The following BRWD1 variants were observed in gnomAD, a reference collection of about 807,000 sequenced individuals.
BRWD1 encodes bromodomain and WD repeat-containing protein 1.
BRWD1 carries 82 observed loss-of-function variants against 251.2 expected under a neutral mutation model. The observed-to-expected ratio is 0.33, with a 90% confidence interval of 0.27 to 0.39. The LOEUF is 0.39. Among genes scored for constraint, BRWD1 ranks in the 10% least tolerant of loss-of-function variants. BRWD1 has a pLI of 1.00. For missense variants in BRWD1, 2,233 were observed against 2,711.6 expected, an observed-to-expected ratio of 0.82 and a Z score of 3.92; for synonymous variants, 918 against 902.8, an observed-to-expected ratio of 1.02 and a Z score of -0.30.
chr21:39,239,753 T>C (rs778382383), intron 21 of BRWD1, among the ~76,000 whole-genome samples: 11 of 152,176 alleles, frequency 7.2e-5, no homozygotes, highest in Non-Finnish European at 1.2e-4. Context: ...CTGGAAAGAA[T>C]TTTTTAACAA....
At position 39,189,834 on chromosome 21, in the gene BRWD1, C is replaced by T. The variant is rs1208136999; in HGVS notation, c.*6425G>A. 2 of 985,198 alleles carry T rather than the reference C, an allele frequency of 2.0e-6. No homozygotes were observed. Among genetic ancestry groups the T allele is most frequent in the Non-Finnish European group, 2.4e-6 (2 of 829,896 alleles). The allele number at this position is 985,198 out of a possible 1,614,324, so 61.0% of individuals were successfully genotyped here. A position where few individuals can be genotyped will look rare whatever the true frequency, so the allele number is the denominator to read the frequency against. On this transcript the variant is annotated 3_prime_UTR_variant, in exon 41 of 41. Transcript: ENST00000342449. Reference sequence around the variant, plus strand: ...TCAAATTTGTGTGTTAGGGTACAAGCTTAAGAACTCTGGATGTTGCTGCTC... The same window carrying T: ...TCAAATTTGTGTGTTAGGGTACAAGTTTAAGAACTCTGGATGTTGCTGCTC...
intron 12 of BRWD1, among the ~76,000 whole-genome samples, chr21:39,275,159 A>C (rs1414961267): frequency 7.9e-5 from 12 of 152,364 alleles, no homozygotes; most frequent in Non-Finnish European, 2.9e-5. Context: ...TGTTAATTCA[A>C]ATTAATTCAT....
intron 8 of BRWD1, among the ~76,000 whole-genome samples, chr21:39,287,670 G>A (rs1201467575): frequency 1.3e-5 from 2 of 152,086 alleles, no homozygotes; most frequent in Non-Finnish European, 2.9e-5. Flanking sequence ...TTTTTTACCA[G>A]TATTTTTAGT....
intron 29 of BRWD1, among the ~76,000 whole-genome samples, chr21:39,220,934 G>T (rs1343422953): frequency 6.6e-6 from 1 of 152,004 alleles, no homozygotes; most frequent in Non-Finnish European, 1.5e-5. Context: ...GAGGCAGGGG[G>T]ATCACTTGAG....
At chr21:39,309,352 G>A (rs74315834) in intron 4 of BRWD1, among the ~76,000 whole-genome samples, 14,568 of 151,758 alleles carry the variant, frequency 0.096, 821 homozygotes, top group East Asian at 0.14. Context: ...TCAGGAGGTG[G>A]AGGGCTGAGG....
At position 39,232,293 on chromosome 21, in the gene BRWD1, G is replaced by A. The variant is rs766117498; in HGVS notation, c.2893-9C>T. 6.2e-7 allele frequency: 1 copy of A among 1,605,028 alleles called. No individual in the cohort carries two copies. Among genetic ancestry groups the A allele is most frequent in the South Asian group, 1.1e-5 (1 of 89,142 alleles). ...TGTCGAAAATATATTACCTACAAAAGGGAAATATGCATTTAAAAATTAAGA... is the reference window on the plus strand; with the variant it reads ...TGTCGAAAATATATTACCTACAAAAAGGAAATATGCATTTAAAAATTAAGA... On this transcript the variant is annotated splice_polypyrimidine_tract_variant and intron_variant, in intron 24 of 40. Coordinates refer to ENST00000342449, the MANE Select transcript of BRWD1 (RefSeq NM_033656.4).
chr21:39,274,415 T>C lies in BRWD1; in HGVS notation c.1203A>G (p.Glu401=), dbSNP rs1253318081. 1.9e-6 allele frequency: 3 copies of C among 1,614,018 alleles called. No individual in the cohort carries two copies. In the Admixed American group the frequency reaches 5.0e-5, roughly 27 times the overall value. The stretch of plus-strand genomic sequence containing the variant: ...CCATATCCAATAAAATGCTCCTCCA[T>C]TCTAACTGCTCAAATCTCCAAATCC... ...TARIWRFEQL[E]WRSILLDMAT... is the part of the protein sequence containing the mutation. The change falls in exon 13 of 41, where the codon GAA becomes GAG. Residue 401 remains glutamate (E), a synonymous_variant. Coordinates refer to ENST00000342449, the MANE Select transcript of BRWD1 (RefSeq NM_033656.4).
chr21:39,282,004 A>G (rs2035481392), intron 8 of BRWD1, among the ~76,000 whole-genome samples: 2 of 149,618 alleles, frequency 1.3e-5, no homozygotes, highest in South Asian at 2.1e-4. Flanking sequence ...ATATATACAC[A>G]TATGTCAACA....
rs1451643079 is a variant in BRWD1, at chr21:39,191,342, AC to A, written c.*4916del. The A allele has an allele frequency of 1.1e-4, 105 of 985,324 alleles. 1 individual carries two copies. In the South Asian group the frequency reaches 1.3e-3, roughly 12 times the overall value. The allele number at this position is 985,324 out of a possible 1,614,324, so 61.0% of individuals were successfully genotyped here. On this transcript the variant is annotated 3_prime_UTR_variant, in exon 41 of 41. Coordinates refer to ENST00000342449, the MANE Select transcript of BRWD1 (RefSeq NM_033656.4). ...TTACCAGTGGAAAAGAGGTTGGGGA[AC>A]CACTTGGGACAAGTCTGGAATTAAC... is the stretch of plus-strand genomic sequence containing the variant.
chr21:39,259,029 T>G (rs2034653562), intron 17 of BRWD1, among the ~76,000 whole-genome samples: 12 of 152,196 alleles, frequency 7.9e-5, no homozygotes, highest in Admixed American at 7.9e-4. Context: ...AGTCTCTAAC[T>G]GGAACAGAGC....
intron 15 of BRWD1, among the ~76,000 whole-genome samples, chr21:39,265,417 AGAGT>A (rs1202506166): frequency 6.6e-6 from 1 of 152,206 alleles, no homozygotes; most frequent in Non-Finnish European, 1.5e-5. Context: ...CCTGGGTGAC[AGAGT>A]GAGACTCTGT....
intron 15 of BRWD1, among the ~76,000 whole-genome samples, chr21:39,266,226 T>C (rs575033160): frequency 6.6e-6 from 1 of 152,324 alleles, no homozygotes; most frequent in Non-Finnish European, 1.5e-5. Flanking sequence ...GTTACTCGGA[T>C]ATTCAGAGGA....
chr21:39,189,967 T>C lies in BRWD1; in HGVS notation c.*6292A>G. On this transcript the variant is annotated 3_prime_UTR_variant, in exon 41 of 41. Transcript: ENST00000342449. ...TTTCAGTCATGGGTTTACAAAGTCA[T>C]TGAGTGCTTGAGGACTTGTTTTCCT... is the stretch of plus-strand genomic sequence containing the variant. 1 of 985,404 alleles carries C rather than the reference T, an allele frequency of 1.0e-6. No individual in the cohort carries two copies. Among genetic ancestry groups the C allele is most frequent in the Non-Finnish European group, 1.2e-6 (1 of 829,914 alleles). The allele number at this position is 985,404 out of a possible 1,614,324, so 61.0% of individuals were successfully genotyped here.
chr21:39,303,822 C>CAA (rs535962983), intron 4 of BRWD1, among the ~76,000 whole-genome samples: 2 of 137,474 alleles, frequency 1.5e-5, no homozygotes, highest in Admixed American at 7.4e-5. Flanking sequence ...GACCCTGTCT[C>CAA]AAAAAAAAAA....
chr21:39,278,665 A>G (rs998171234), intron 10 of BRWD1, 78 bp downstream of exon 10: 1 of 1,099,556 alleles, frequency 9.1e-7, no homozygotes, highest in Non-Finnish European at 1.3e-6. Flanking sequence ...AGCTAATAAA[A>G]GTTCTTAGCA....
At position 39,191,262 on chromosome 21, in the gene BRWD1, C is replaced by G; in HGVS notation, c.*4997G>C. 1.0e-6 allele frequency: 1 copy of G among 985,290 alleles called. No individual in the cohort carries two copies. The highest frequency in any genetic ancestry group is 1.2e-6 in the Non-Finnish European group (1 of 829,908). The allele number at this position is 985,290 out of a possible 1,614,324, so 61.0% of individuals were successfully genotyped here. On this transcript the variant is annotated 3_prime_UTR_variant, in exon 41 of 41. Coordinates refer to ENST00000342449, the MANE Select transcript of BRWD1 (RefSeq NM_033656.4). ...TCGCTTCAGTTCCCCTATCCAAGCT[C>G]ATATGTAAAACTCACAGCGCTCGCA...
Position 39,218,661 on chromosome 21 carries a change from C to A in BRWD1, c.3383-1G>T. The stretch of plus-strand genomic sequence containing the variant: ...GCTCCTAATTCTTCAGGTGGATCAA[C>A]TATGAATACCATAAAAAACAATGAG... On this transcript the variant is annotated splice_acceptor_variant, in intron 29 of 40. Coordinates refer to ENST00000342449, the MANE Select transcript of BRWD1 (RefSeq NM_033656.4). LOFTEE classifies it high-confidence loss of function. 3 of 1,580,226 alleles carry A rather than the reference C, an allele frequency of 1.9e-6. No homozygotes were observed. Among genetic ancestry groups the A allele is most frequent in the South Asian group, 1.2e-5 (1 of 84,934 alleles).
At position 39,313,278 on chromosome 21, in the gene BRWD1, C is replaced by T; in HGVS notation, c.71G>A (p.Arg24Gln). The change falls in exon 2 of 41, where the codon CGG (arginine) becomes CAG (glutamine). Residue 24 changes from arginine (R) to glutamine (Q), a missense_variant. This residue lies in a region of BRWD1 where 101 missense variants were observed against 95.6 expected (regional missense o/e 1.06). Coordinates refer to ENST00000342449, the MANE Select transcript of BRWD1 (RefSeq NM_033656.4). ...IESELYFLIARYLSAGPCRRA... is the reference protein window; with the variant it reads ...IESELYFLIAQYLSAGPCRRA... ...CCGACACGGGCCCGCCGATAGGTAC[C>T]GGGCGATAAGGAAGTACAGCTCTGC... The T allele has an allele frequency of 1.9e-6, 3 of 1,558,888 alleles. No individual in the cohort carries two copies. Among genetic ancestry groups the T allele is most frequent in the South Asian group, 1.2e-5 (1 of 86,950 alleles).
At chr21:39,209,050 G>A (rs1341516150) in intron 36 of BRWD1, among the ~76,000 whole-genome samples, 1 of 151,112 alleles carries the variant, frequency 6.6e-6, no homozygotes, top group Non-Finnish European at 1.5e-5. Flanking sequence ...TATGAGATAA[G>A]AAGAACTGGC....
Sources: allele counts gnomAD v4.1 joint callset (sites outside exome capture counted in the v4.1 genomes callset), GRCh38; gene constraint gnomAD v4.1.1; regional missense constraint gnomAD v4.1.1; transcripts MANE v1.5; gene names NCBI Gene and HGNC (gene_info 2026-07-23, HGNC 2026-07-21).